FBXL17: variants seen among roughly 807,000 people sequenced by gnomAD.
The protein encoded by FBXL17 is F-box and leucine rich repeat protein 17, also known as F-box/LRR-repeat protein 17.
FBXL17 carries 22 observed loss-of-function variants against 66.2 expected under a neutral mutation model. That is an observed-to-expected ratio of 0.33 (90% CI 0.24 to 0.47). The LOEUF is 0.47. FBXL17 is among the 20% of genes least tolerant of loss of function. The pLI, the probability that FBXL17 is intolerant of heterozygous loss-of-function variation, is 1.00. For synonymous variants in FBXL17, 474 were observed against 400.5 expected, an observed-to-expected ratio of 1.18 and a Z score of -2.19; for missense variants, 878 against 948.2, an observed-to-expected ratio of 0.93 and a Z score of 0.97.
chr5:108,119,918 A>G (rs943928741), intron 6 of FBXL17, among the ~76,000 whole-genome samples: 1 of 152,232 alleles, frequency 6.6e-6, no homozygotes, highest in African/African-American at 2.4e-5. Context: ...CTGATGGGTC[A>G]CCCATTGGCT....
At chr5:108,250,273 C>A (rs549730675) in intron 4 of FBXL17, among the ~76,000 whole-genome samples, 2 of 152,198 alleles carry the variant, frequency 1.3e-5, no homozygotes, top group South Asian at 4.1e-4. Context: ...AGCTGCTAAT[C>A]TTCAAATACA....
At chr5:108,009,918 G>A (rs545045496) in intron 7 of FBXL17, among the ~76,000 whole-genome samples, 1 of 152,300 alleles carries the variant, frequency 6.6e-6, no homozygotes, top group African/African-American at 2.4e-5. Context: ...AGCTTGGGAA[G>A]GCTGGCACCT....
At chr5:108,243,189 C>T (rs1755938714) in intron 4 of FBXL17, among the ~76,000 whole-genome samples, 1 of 152,160 alleles carries the variant, frequency 6.6e-6, no homozygotes, top group Non-Finnish European at 1.5e-5. Context: ...TGGTCTACAA[C>T]TAATGACACA....
At chr5:108,048,384 C>T (rs897860410) in intron 6 of FBXL17, among the ~76,000 whole-genome samples, 1 of 152,148 alleles carries the variant, frequency 6.6e-6, no homozygotes, top group Admixed American at 6.5e-5. Context: ...CCCAAGAGGC[C>T]AGAGTACCTC....
chr5:107,923,111 T>C (rs1297712650), intron 7 of FBXL17, among the ~76,000 whole-genome samples: 1 of 152,086 alleles, frequency 6.6e-6, no homozygotes, highest in Non-Finnish European at 1.5e-5. Context: ...AATGACTCTG[T>C]AGCAATGGGC....
chr5:107,861,701 A>T lies in FBXL17; in HGVS notation c.*19T>A, dbSNP rs2112476408. 6.4e-7 allele frequency: 1 copy of T among 1,554,120 alleles called. No homozygotes were observed. Among genetic ancestry groups the T allele is most frequent in the Non-Finnish European group, 8.7e-7 (1 of 1,147,508 alleles). On this transcript the variant is annotated 3_prime_UTR_variant, in exon 9 of 9. Coordinates refer to ENST00000542267, the MANE Select transcript of FBXL17 (RefSeq NM_001163315.3). ...CTGCTCTGCTGAATGATCCCAGTGG[A>T]CTAGGCGAGGCAGGAGCGCTAGGAG... is the stretch of plus-strand genomic sequence containing the variant.
chr5:108,165,359 A>G (rs1244398731), intron 6 of FBXL17, among the ~76,000 whole-genome samples: 1 of 152,176 alleles, frequency 6.6e-6, no homozygotes, highest in Non-Finnish European at 1.5e-5. Context: ...GAAATCTCTG[A>G]ATAGTGGGAT....
chr5:108,239,351 C>T (rs1477317467), intron 4 of FBXL17, among the ~76,000 whole-genome samples: 1 of 152,198 alleles, frequency 6.6e-6, no homozygotes, highest in Non-Finnish European at 1.5e-5. Flanking sequence ...CCCTCTGCAT[C>T]CCCTGGCAGC....
chr5:108,023,912 T>A (rs1445755030), intron 6 of FBXL17, among the ~76,000 whole-genome samples: 3 of 152,176 alleles, frequency 2.0e-5, no homozygotes, highest in Non-Finnish European at 4.4e-5. Flanking sequence ...AAAGACCACA[T>A]TTAAAATGTT....
At chr5:108,285,032 A>C (rs1757843659) in intron 4 of FBXL17, among the ~76,000 whole-genome samples, 1 of 151,914 alleles carries the variant, frequency 6.6e-6, no homozygotes, top group East Asian at 1.9e-4. Flanking sequence ...TTTACATAAT[A>C]TTCTAAATCC....
chr5:108,373,639 G>A (rs1749213334), intron 1 of FBXL17, among the ~76,000 whole-genome samples: 1 of 152,116 alleles, frequency 6.6e-6, no homozygotes, highest in African/African-American at 2.4e-5. Flanking sequence ...CCAGGGCCAG[G>A]CACAGTGGTT....
chr5:107,927,064 A>G (rs1750546952), intron 7 of FBXL17, among the ~76,000 whole-genome samples: 1 of 152,170 alleles, frequency 6.6e-6, no homozygotes, highest in South Asian at 2.1e-4. Flanking sequence ...TATATACAGA[A>G]CAGGTCTCAG....
intron 6 of FBXL17, among the ~76,000 whole-genome samples, chr5:108,145,892 G>C (rs1457676647): frequency 6.6e-6 from 1 of 151,632 alleles, no homozygotes; most frequent in African/African-American, 2.4e-5. Flanking sequence ...CACTGAGAGA[G>C]AAATGCACAA....
intron 6 of FBXL17, among the ~76,000 whole-genome samples, chr5:108,154,247 A>AG (rs995891158): frequency 4.7e-5 from 7 of 149,180 alleles, no homozygotes; most frequent in African/African-American, 1.7e-4. Flanking sequence ...GTAAATTCAG[A>AG]GGAGGAAAAA....
At chr5:107,996,543 G>A (rs1042144530) in intron 7 of FBXL17, among the ~76,000 whole-genome samples, 5 of 152,174 alleles carry the variant, frequency 3.3e-5, no homozygotes, top group African/African-American at 1.2e-4. Context: ...TAGAACTCCT[G>A]ATCTCAGGTG....
At chr5:108,174,252 ATT>A (rs1372775482) in intron 6 of FBXL17, among the ~76,000 whole-genome samples, 2 of 152,148 alleles carry the variant, frequency 1.3e-5, no homozygotes, top group Non-Finnish European at 2.9e-5. Flanking sequence ...AAATAACCTT[ATT>A]TTGTTTAATT....
Position 108,012,449 on chromosome 5 carries a change from T to A in FBXL17, c.1822+8476A>T, listed in dbSNP as rs183091851. On this transcript the variant is annotated intron_variant, in intron 7 of 8. Coordinates refer to ENST00000542267, the MANE Select transcript of FBXL17 (RefSeq NM_001163315.3). ...AGTTCTAGAAGAATATAATTAGATC[T>A]CATGGGGTAGCGCTTTATGACATTG... Among the ~76,000 whole-genome samples, 105 of 152,292 alleles carry A rather than the reference T, an allele frequency of 6.9e-4. 1 individual carries two copies. The highest frequency in any genetic ancestry group is 4.0e-3 in the Admixed American group (61 of 15,286).
chr5:107,941,931 T>TA (rs1162000431), intron 7 of FBXL17, among the ~76,000 whole-genome samples: 1 of 152,140 alleles, frequency 6.6e-6, no homozygotes, highest in African/African-American at 2.4e-5. Context: ...AAAGTTCTAT[T>TA]ACTGAACTAC....
chr5:108,247,126 G>A (rs1483601933), intron 4 of FBXL17, among the ~76,000 whole-genome samples: 2 of 152,178 alleles, frequency 1.3e-5, no homozygotes, highest in Non-Finnish European at 2.9e-5. Context: ...GTGGGATAAT[G>A]TGCACAAGTA....
Sources: allele counts gnomAD v4.1 joint callset (sites outside exome capture counted in the v4.1 genomes callset), GRCh38; gene constraint gnomAD v4.1.1; transcripts MANE v1.5; gene names NCBI Gene and HGNC (gene_info 2026-07-23, HGNC 2026-07-21).